The following HCFC1 variants were observed in gnomAD, a reference collection of about 807,000 sequenced individuals.
HCFC1 encodes the protein host cell factor C1.
Under a neutral mutation model 105.5 loss-of-function variants are expected in HCFC1, and 7 were observed. That is an observed-to-expected ratio of 0.07 (90% CI 0.04 to 0.12). The LOEUF is 0.12. Ranked by LOEUF, HCFC1 falls within the 10% of genes least tolerant of loss-of-function variation. The pLI is 1.00. For synonymous variants in HCFC1, 918 were observed against 828.1 expected (o/e 1.11, Z -1.86); for missense variants, 1,065 against 1,823.6 (o/e 0.58, Z 7.58).
intron 3 of HCFC1, 99 bp from the exon 4 acceptor site, chrX:153,963,532 G>C: frequency 1.8e-6 from 1 of 563,318 alleles, no homozygotes; most frequent in Admixed American, 3.0e-5. Flanking sequence ...GAACACAAAG[G>C]GGCTAGGGCT....
rs782697611 is a variant in HCFC1 at position 153,951,712 on chromosome X, G to A, written c.5261-5C>T. ...ATGTGTTGGATGGAGCCAGGCCTAG[G>A]AAGAAAGAAGGTGTCAGCGGGAAAG... On this transcript the variant is annotated splice_region_variant and splice_polypyrimidine_tract_variant and intron_variant, in intron 20 of 25. Transcript: ENST00000310441. 21 of 1,201,556 alleles carry A rather than the reference G, an allele frequency of 1.7e-5. No individual in the cohort carries two copies. The highest frequency in any genetic ancestry group is 5.3e-5 in the South Asian group (3 of 56,208).
In HCFC1 at chrX:153,959,784, C is replaced by G; in HGVS notation, c.1444+18G>C. On this transcript the variant is annotated intron_variant, in intron 8 of 25. Transcript: ENST00000310441. The stretch of plus-strand genomic sequence containing the variant: ...GGCTAGCCCCCTACTTTCAAACGTC[C>G]CTGGTCCCCTGGCTCACCTTGAGTC... 2 of 1,154,744 alleles carry G rather than the reference C, an allele frequency of 1.7e-6. No individual in the cohort carries two copies. The highest frequency in any genetic ancestry group is 2.3e-6 in the Non-Finnish European group (2 of 867,821).
At chrX:153,958,502 A>G in intron 10 of HCFC1, 67 bp downstream of exon 10, 2 of 1,025,788 alleles carry the variant, frequency 1.9e-6, no homozygotes, top group Non-Finnish European at 2.7e-6. Flanking sequence ...CCAACGGCTA[A>G]CTCTAAAGCC....
intron 19 of HCFC1, 100 bp downstream of exon 19, chrX:153,952,414 T>C: frequency 4.1e-6 from 4 of 973,856 alleles, no homozygotes; most frequent in Non-Finnish European, 5.4e-6. Flanking sequence ...ATCTGGCTCA[T>C]GCCACCCTCG....
chrX:153,953,304 G>A (rs782635077), intron 18 of HCFC1, among the ~76,000 whole-genome samples: 6 of 111,954 alleles, frequency 5.4e-5, no homozygotes, highest in African/African-American at 1.3e-4. Context: ...GGTTTAACCC[G>A]TCCTCAGTCA....
Position 153,956,677 on chromosome X carries a change from G to C in HCFC1, c.2583C>G (p.Thr861=). 8.3e-7 allele frequency: 1 copy of C among 1,211,612 alleles called. No homozygotes were observed. Among genetic ancestry groups the C allele is most frequent in the Non-Finnish European group, 1.1e-6 (1 of 895,431 alleles). The part of the protein sequence containing the change: ...MGGVRLVTPV[T]VSAVKPAVTT... ...TGACGGCTGGCTTGACGGCGGAGAC[G>C]GTGACGGGTGTGACCAGGCGAACAC... The change falls in exon 15 of 26, where the codon ACC becomes ACG. Residue 861 remains threonine (T), a synonymous_variant. Coordinates refer to ENST00000310441, the MANE Select transcript of HCFC1 (RefSeq NM_005334.3).
intron 23 of HCFC1, 85 bp downstream of exon 23, chrX:153,950,728 T>C: frequency 9.9e-7 from 1 of 1,011,557 alleles, no homozygotes; most frequent in Non-Finnish European, 1.4e-6. Context: ...AACCTAGCTC[T>C]CCTATGCCCC....
At chrX:153,956,513 G>A in intron 15 of HCFC1, 102 bp from the exon 16 acceptor site, 2 of 1,116,242 alleles carry the variant, frequency 1.8e-6, no homozygotes, top group Admixed American at 4.5e-5. Flanking sequence ...TTGCATAGAA[G>A]GCTCGGGAGA....
chrX:153,971,798 C>G lies in HCFC1; in HGVS notation c.-958G>C, dbSNP rs1476420165. 4 of 295,813 alleles carry G rather than the reference C, an allele frequency of 1.4e-5. No individual in the cohort carries two copies. The highest frequency in any genetic ancestry group is 8.2e-5 in the African/African-American group (3 of 36,539). 24.4% of individuals were successfully genotyped at this position (295,813 alleles called of 1,213,427 possible). ...ACGGCAGGGCGCTCATGCCTCCTCC[C>G]TGGGAGCCGCCATCTTGTGTGAAGA... On this transcript the variant is annotated 5_prime_UTR_variant, in exon 1 of 26. Transcript: ENST00000310441.
chrX:153,951,478 G>C lies in HCFC1; in HGVS notation c.5389C>G (p.Leu1797Val). Residue 1797 changes from leucine (L) to valine (V), a missense_variant, in exon 22 of 26, where the codon CTG becomes GTG. Physicochemically the swap from Leu to Val is conservative, Grantham distance 32 (BLOSUM62 1). Around this residue, in one of 17 missense-constraint regions of HCFC1, gnomAD observed 115 missense variants for 143.7 expected, o/e 0.80. Coordinates refer to ENST00000310441, the MANE Select transcript of HCFC1 (RefSeq NM_005334.3). ...GIESLGVKPDLPPPPSKAPMK... is the reference protein window; with the variant it reads ...GIESLGVKPDVPPPPSKAPMK... ...GGGGCTTTGCTGGGTGGGGGCGGCA[G>C]GTCTGGCTTCTGCAAGACAGAATCG... 12 of 1,211,449 alleles carry C rather than the reference G, an allele frequency of 9.9e-6. No individual in the cohort carries two copies. Among genetic ancestry groups the C allele is most frequent in the Non-Finnish European group, 1.3e-5 (12 of 895,423 alleles).
Position 153,955,560 on chromosome X carries a change from G to A in HCFC1, c.2857-18C>T. On this transcript the variant is annotated intron_variant, in intron 16 of 25. Coordinates refer to ENST00000310441, the MANE Select transcript of HCFC1 (RefSeq NM_005334.3). The stretch of plus-strand genomic sequence containing the variant: ...GACACGGGCTGGGGAGACACACGAG[G>A]AGGAGAGTTAGTGCTGCAGCTGGCT... The A allele has an allele frequency of 2.6e-6, 3 of 1,162,340 alleles. No individual in the cohort carries two copies. The South Asian group carries it at 6.0e-5, about 23-fold the overall frequency.
At position 153,971,101 on chromosome X, in the gene HCFC1, T is replaced by C; in HGVS notation, c.-261A>G. 1 of 347,963 alleles carries C rather than the reference T, an allele frequency of 2.9e-6. No individual in the cohort carries two copies. The highest frequency in any genetic ancestry group is 4.9e-6 in the Non-Finnish European group (1 of 204,067). The allele number at this position is 347,963 out of a possible 1,213,427, so 28.7% of individuals were successfully genotyped here. A position where few individuals can be genotyped will look rare whatever the true frequency, so the allele number is the denominator to read the frequency against. On this transcript the variant is annotated 5_prime_UTR_variant, in exon 1 of 26. Coordinates refer to ENST00000310441, the MANE Select transcript of HCFC1 (RefSeq NM_005334.3). The stretch of plus-strand genomic sequence containing the variant: ...GCTCAAGAAGCTGGAGGCCGCTGAG[T>C]CCCGTCGCCCCGACTACTTGTCCGG...
At chrX:153,963,541 C>A in intron 3 of HCFC1, 108 bp from the exon 4 acceptor site, 1 of 528,680 alleles carries the variant, frequency 1.9e-6, no homozygotes. Flanking sequence ...GGGGCTAGGG[C>A]TGTGGGAGCT....
rs781976883 is a variant in HCFC1, at chrX:153,952,085, G to C, written c.5016C>G (p.Ala1672=). The C allele has an allele frequency of 1.6e-5, 19 of 1,162,372 alleles. No homozygotes were observed. The highest frequency in any genetic ancestry group is 2.1e-5 in the Non-Finnish European group (18 of 872,148). ...VTQAELGHLS[A]EGQEGQATTI... ...TGGTGGCCTGGCCCTCCTGACCCTCGGCCGACAGGTGCCCCAGCTCCGCCT... is the reference window on the plus strand; with the variant it reads ...TGGTGGCCTGGCCCTCCTGACCCTCCGCCGACAGGTGCCCCAGCTCCGCCT... Residue 1672 remains alanine, a synonymous_variant, in exon 20 of 26, where the codon GCC becomes GCG. Transcript: ENST00000310441.
chrX:153,959,850 T>C lies in HCFC1; in HGVS notation c.1396A>G (p.Thr466Ala), dbSNP rs782036937. 11 of 1,185,251 alleles carry C rather than the reference T, an allele frequency of 9.3e-6. No individual in the cohort carries two copies. Among genetic ancestry groups the C allele is most frequent in the Admixed American group, 4.5e-5 (2 of 44,339 alleles). Residue 466 changes from threonine (T) to alanine (A), a missense_variant, in exon 8 of 26, where the codon ACG becomes GCG. Physicochemically the swap from Thr to Ala is moderately conservative, Grantham distance 58. Coordinates refer to ENST00000310441, the MANE Select transcript of HCFC1 (RefSeq NM_005334.3). The stretch of plus-strand genomic sequence containing the variant: ...ACAGAAATGGAGCTGCCAGGCACCG[T>C]TGGCAAGACCTGGATGGTGGTGGTG... ...PTTTTIQVLP[T>A]VPGSSISVPT...
chrX:153,952,233 A>G, intron 19 of HCFC1, 75 bp from the exon 20 acceptor site: 1 of 1,079,125 alleles, frequency 9.3e-7, no homozygotes, highest in Non-Finnish European at 1.2e-6. Context: ...GGAGGCCCCC[A>G]AAGCCTGTCC....
At position 153,956,671 on chromosome X, in the gene HCFC1, G is replaced by A. The variant is rs375755315; in HGVS notation, c.2589C>T (p.Ser863=). ...GVRLVTPVTV[S]AVKPAVTTLV... ...ACGTGGTGACGGCTGGCTTGACGGC[G>A]GAGACGGTGACGGGTGTGACCAGGC... Residue 863 remains serine, a synonymous_variant, in exon 15 of 26, where the codon TCC becomes TCT. Transcript: ENST00000310441. 184 of 1,210,212 alleles carry A rather than the reference G, an allele frequency of 1.5e-4. No homozygotes were observed. Among genetic ancestry groups the A allele is most frequent in the Middle Eastern group, 2.3e-4 (1 of 4,352 alleles).
rs2065454757 is a variant in HCFC1 at position 153,964,162 on chromosome X, C to T, written c.465G>A (p.Leu155=). 4 of 1,206,083 alleles carry T rather than the reference C, an allele frequency of 3.3e-6. No individual in the cohort carries two copies. Among genetic ancestry groups the T allele is most frequent in the South Asian group, 1.8e-5 (1 of 56,401 alleles). The change falls in exon 3 of 26, where the codon CTG becomes CTA. Residue 155 remains leucine, a synonymous_variant. Transcript: ENST00000310441. The part of the protein sequence containing the change: ...VGNKCYLFGG[L]ANDSEDPKNN... ...TCTTTGGGTCCTCGCTATCATTGGCCAGACCCCCAAACAGGTAGCATTTGT... is the reference window on the plus strand; with the variant it reads ...TCTTTGGGTCCTCGCTATCATTGGCTAGACCCCCAAACAGGTAGCATTTGT...
Position 153,970,798 on chromosome X carries a change from G to T in HCFC1, c.43C>A (p.Leu15Met), listed in dbSNP as rs1557119918. The T allele has an allele frequency of 1.7e-6, 2 of 1,187,084 alleles. No individual in the cohort carries two copies. Among genetic ancestry groups the T allele is most frequent in the Admixed American group, 5.0e-5 (2 of 39,749 alleles). The stretch of plus-strand genomic sequence containing the variant: ...ACCACTCGCTTCCAGCGGGGCTGCA[G>T]AAGCACCGCTGGCAAGTTGGCGGGC... ...VSPANLPAVLLQPRWKRVVGW... is the reference protein window; with the variant it reads ...VSPANLPAVLMQPRWKRVVGW... The change falls in exon 1 of 26, where the codon CTG becomes ATG. Residue 15 changes from leucine to methionine, a missense_variant. Leu to Met is a conservative substitution (Grantham distance 15). Coordinates refer to ENST00000310441, the MANE Select transcript of HCFC1 (RefSeq NM_005334.3).
Sources: gnomAD v4.1 joint callset for allele counts (sites outside exome capture counted in the v4.1 genomes callset) on GRCh38, gnomAD v4.1.1 for gene constraint, gnomAD v4.1.1 regional missense constraint, MANE v1.5 for transcripts, NCBI Gene and HGNC (gene_info 2026-07-23, HGNC 2026-07-21) for gene names.